Variants in C8orf34 observed in about 807,000 individuals in gnomAD.
C8orf34 encodes chromosome 8 open reading frame 34, also known as uncharacterized protein C8orf34.
C8orf34 carries 65 observed loss-of-function variants against 68.3 expected under a neutral mutation model. That is an observed-to-expected ratio of 0.95 (90% confidence interval 0.78 to 1.17). The LOEUF is 1.17. Among genes scored for constraint, C8orf34 ranks in the 50% most tolerant of loss-of-function variants. The pLI is 0.00. For missense variants in C8orf34, 664 were observed against 655.4 expected (o/e 1.01, Z -0.14); for synonymous variants, 244 against 241.2 (o/e 1.01, Z -0.11).
intron 7 of C8orf34, among the ~76,000 whole-genome samples, chr8:68,630,967 T>TTTTTTA (rs34850011): frequency 7.3e-6 from 1 of 137,206 alleles, no homozygotes; most frequent in African/African-American, 2.9e-5. Flanking sequence ...TTTTTTTTTT[T>TTTTTTA]AAAAAACAGG....
intron 5 of C8orf34, among the ~76,000 whole-genome samples, chr8:68,502,147 C>A (rs571967751): frequency 2.3e-3 from 352 of 152,212 alleles, no homozygotes; most frequent in South Asian, 4.8e-3. Flanking sequence ...CTCACTGTAA[C>A]CTCCGCCTCC....
chr8:68,594,421 C>CAAAAAAATATGTA, intron 7 of C8orf34, among the ~76,000 whole-genome samples: 1 of 151,832 alleles, frequency 6.6e-6, no homozygotes, highest in Admixed American at 6.6e-5. Flanking sequence ...ATTAAATTGT[C>CAAAAAAATATGTA]TTTTATCTAA....
rs867058838 is a variant in C8orf34, at chr8:68,419,485, C to G, written c.328-20014C>G. ...CAGCCATCCCATTACTGGGTATATA[C>G]CCAAAGGACTATAAATCATGCTGCT... On this transcript the variant is annotated intron_variant, in intron 1 of 13. Coordinates refer to ENST00000518698, the MANE Select transcript of C8orf34 (RefSeq NM_052958.4). Among the ~76,000 whole-genome samples the G allele has an allele frequency of 9.6e-4, 145 of 151,686 alleles. No homozygotes were observed. In the Middle Eastern group the frequency reaches 0.017, roughly 18 times the overall value.
At chr8:68,360,476 T>A (rs1267054647) in intron 1 of C8orf34, among the ~76,000 whole-genome samples, 1 of 152,176 alleles carries the variant, frequency 6.6e-6, no homozygotes, top group Admixed American at 6.6e-5. Context: ...TTAAAGATAA[T>A]CAAACTTTCA....
intron 7 of C8orf34, among the ~76,000 whole-genome samples, chr8:68,551,417 T>TA (rs1816066933): frequency 6.6e-6 from 1 of 152,212 alleles, no homozygotes; most frequent in African/African-American, 2.4e-5. Flanking sequence ...TCTTTCATGC[T>TA]ATCTACTTTA....
At chr8:68,749,398 A>G (rs1822628817) in intron 10 of C8orf34, among the ~76,000 whole-genome samples, 1 of 152,178 alleles carries the variant, frequency 6.6e-6, no homozygotes, top group African/African-American at 2.4e-5. Flanking sequence ...AATAAAAAAA[A>G]GACAGAAAGA....
At chr8:68,435,872 A>T (rs957537122) in intron 1 of C8orf34, among the ~76,000 whole-genome samples, 3 of 152,200 alleles carry the variant, frequency 2.0e-5, no homozygotes, top group Non-Finnish European at 2.9e-5. Flanking sequence ...CACATCTAAT[A>T]GATGGAATAT....
chr8:68,811,428 T>C (rs925449759), intron 12 of C8orf34, among the ~76,000 whole-genome samples: 1 of 152,150 alleles, frequency 6.6e-6, no homozygotes, highest in African/African-American at 2.4e-5. Context: ...CCTGTGCCCT[T>C]TGGGCGGGGC....
intron 7 of C8orf34, among the ~76,000 whole-genome samples, chr8:68,614,225 C>T (rs938347442): frequency 1.3e-5 from 2 of 151,856 alleles, no homozygotes; most frequent in Non-Finnish European, 2.9e-5. Context: ...AAAATTTTCT[C>T]CCATTTTGTA....
At chr8:68,575,844 G>A (rs1418335442) in intron 7 of C8orf34, among the ~76,000 whole-genome samples, 3 of 151,096 alleles carry the variant, frequency 2.0e-5, no homozygotes, top group African/African-American at 7.3e-5. Flanking sequence ...TAGTGACAAA[G>A]TAAATTATTT....
intron 7 of C8orf34, chr8:68,535,525 T>C: frequency 1.1e-6 from 1 of 930,040 alleles, no homozygotes; most frequent in Non-Finnish European, 1.3e-6. Flanking sequence ...GAAAAAATCC[T>C]TTTAGTTGAA....
At chr8:68,762,369 A>G (rs984487833) in intron 10 of C8orf34, among the ~76,000 whole-genome samples, 3 of 152,216 alleles carry the variant, frequency 2.0e-5, no homozygotes, top group Non-Finnish European at 4.4e-5. Context: ...CAATATTGGT[A>G]TGGGTTTCAG....
chr8:68,691,088 A>G (rs1820672588), intron 8 of C8orf34, among the ~76,000 whole-genome samples: 1 of 152,086 alleles, frequency 6.6e-6, no homozygotes, highest in South Asian at 2.1e-4. Flanking sequence ...TAATCTTTAT[A>G]CTAAAGTGAC....
At chr8:68,495,235 G>A (rs1383989546) in intron 5 of C8orf34, among the ~76,000 whole-genome samples, 1 of 151,092 alleles carries the variant, frequency 6.6e-6, no homozygotes, top group Non-Finnish European at 1.5e-5. Context: ...TAGTGAGTCT[G>A]TTTCTAGTCC....
At chr8:68,496,162 C>T (rs953996520) in intron 5 of C8orf34, among the ~76,000 whole-genome samples, 2 of 152,116 alleles carry the variant, frequency 1.3e-5, no homozygotes, top group African/African-American at 2.4e-5. Flanking sequence ...TGTTCATGCT[C>T]ACAAAAATTG....
intron 11 of C8orf34, among the ~76,000 whole-genome samples, chr8:68,782,592 A>G (rs1823711809): frequency 6.6e-6 from 1 of 152,170 alleles, no homozygotes; most frequent in African/African-American, 2.4e-5. Context: ...AGACTTTAGC[A>G]TGCCTTGGAT....
At position 68,612,270 on chromosome 8, in the gene C8orf34, A is replaced by G. The variant is rs545526864; in HGVS notation, c.1106-28106A>G. 2.7e-4 allele frequency among the ~76,000 whole-genome samples: 41 copies of G among 152,274 alleles called. No individual in the cohort carries two copies. The East Asian group carries it at 7.7e-3, about 29-fold the overall frequency. ...TTATGCACTGGCTCACTCAACCAAC[A>G]TAACAATCTTGAGTTAGCCAGTTCT... On this transcript the variant is annotated intron_variant, in intron 7 of 13. Transcript: ENST00000518698.
chr8:68,502,993 C>T (rs891996663), intron 5 of C8orf34, among the ~76,000 whole-genome samples: 2 of 152,156 alleles, frequency 1.3e-5, no homozygotes, highest in African/African-American at 4.8e-5. Flanking sequence ...GGGGAAAATA[C>T]AGACTGTGGA....
intron 7 of C8orf34, among the ~76,000 whole-genome samples, chr8:68,591,214 T>C (rs1420278326): frequency 6.6e-6 from 1 of 152,172 alleles, no homozygotes; most frequent in Non-Finnish European, 1.5e-5. Context: ...AACTCTTTTA[T>C]TTGGCAAAAT....
Sources: gnomAD v4.1 joint callset for allele counts (sites outside exome capture counted in the v4.1 genomes callset) on GRCh38, gnomAD v4.1.1 for gene constraint, MANE v1.5 for transcripts, NCBI Gene and HGNC (gene_info 2026-07-23, HGNC 2026-07-21) for gene names.